Variants in MLLT10 observed in about 807,000 individuals in gnomAD.
MLLT10 encodes the protein MLLT10 histone lysine methyltransferase DOT1L cofactor, also known as protein AF-10.
In MLLT10, 30 loss-of-function variants were observed where a neutral mutation model predicts 129.1. That is an observed-to-expected ratio of 0.23 (90% CI 0.17 to 0.32). The LOEUF (loss-of-function observed/expected upper bound fraction) is 0.32, where lower values mean the gene tolerates loss of function less well. MLLT10 is among the 10% of genes least tolerant of loss of function. MLLT10 has a pLI of 1.00. For synonymous variants in MLLT10, 490 were observed against 446.4 expected (o/e 1.10, Z -1.23); for missense variants, 1,119 against 1,268.3 (o/e 0.88, Z 1.79).
At chr10:21,690,503 C>T (rs1273965600) in intron 13 of MLLT10, among the ~76,000 whole-genome samples, 1 of 151,958 alleles carries the variant, frequency 6.6e-6, no homozygotes, top group African/African-American at 2.4e-5. Context: ...TTTTAGTGTA[C>T]TTCAGAATAG....
intron 4 of MLLT10, among the ~76,000 whole-genome samples, chr10:21,594,433 C>T (rs1371824313): frequency 6.6e-6 from 1 of 151,636 alleles, no homozygotes; most frequent in Non-Finnish European, 1.5e-5. Context: ...CCTGTAATCC[C>T]AGCTACTGGG....
Position 21,579,512 on chromosome 10 carries a change from G to GT in MLLT10, c.241-6771dup, listed in dbSNP as rs368596841. ...TGTCCTGTAGGTCCCTGAAGCCCTG[G>GT]TTTTTTTTTTTGTTTGTTTGTTTTA... On this transcript the variant is annotated intron_variant, in intron 3 of 22. Transcript: ENST00000307729. Among the ~76,000 whole-genome samples, 415 of 139,078 alleles carry GT rather than the reference G, an allele frequency of 3.0e-3. 2 individuals are homozygous for GT. Among genetic ancestry groups the GT allele is most frequent in the African/African-American group, 8.5e-3 (322 of 38,066 alleles). 91.2% of individuals were successfully genotyped at this position (139,078 alleles called of 152,430 possible).
At position 21,717,888 on chromosome 10, in the gene MLLT10, T is replaced by TCTC. The variant is rs1197942786; in HGVS notation, c.1878+3959_1878+3961dup. On this transcript the variant is annotated intron_variant, in intron 14 of 22. Coordinates refer to ENST00000307729, the MANE Select transcript of MLLT10 (RefSeq NM_001195626.3). ...TTCTCCTCCTCCTTCTCCTCCTCCTTCTCCTCCTCCTCCTCCTCCTCCTTC... is the reference window on the plus strand; with the variant it reads ...TTCTCCTCCTCCTTCTCCTCCTCCTTCTCCTCCTCCTCCTCCTCCTCCTCCTTC... Among the ~76,000 whole-genome samples, 114 of 76,008 alleles carry TCTC rather than the reference T, an allele frequency of 1.5e-3. 2 individuals carry two copies. In the East Asian group the frequency reaches 0.027, roughly 18 times the overall value. 49.9% of individuals were successfully genotyped at this position (76,008 alleles called of 152,430 possible).
chr10:21,541,803 C>T (rs548050886), intron 3 of MLLT10, among the ~76,000 whole-genome samples: 87 of 152,196 alleles, frequency 5.7e-4, no homozygotes, highest in African/African-American at 1.8e-3. Flanking sequence ...TGTGAGCATC[C>T]GTGCCCGGCC....
chr10:21,644,344 A>T (rs1408502836), intron 8 of MLLT10, among the ~76,000 whole-genome samples: 1 of 152,020 alleles, frequency 6.6e-6, no homozygotes, highest in Non-Finnish European at 1.5e-5. Context: ...ATTCCATTAT[A>T]ATTTACGTAA....
At chr10:21,562,961 A>G (rs1191095398) in intron 3 of MLLT10, among the ~76,000 whole-genome samples, 1 of 151,698 alleles carries the variant, frequency 6.6e-6, no homozygotes, top group African/African-American at 2.4e-5. Context: ...CTGGGATTAC[A>G]GGCATGTGCC....
At chr10:21,551,314 T>G (rs1159909300) in intron 3 of MLLT10, among the ~76,000 whole-genome samples, 436 of 149,232 alleles carry the variant, frequency 2.9e-3, no homozygotes, top group African/African-American at 0.01. Context: ...TTTTTTTTTT[T>G]TTACATAACA....
intron 3 of MLLT10, among the ~76,000 whole-genome samples, chr10:21,547,332 G>T (rs1212138176): frequency 6.6e-6 from 1 of 151,606 alleles, no homozygotes. Flanking sequence ...TCCTTGGGAC[G>T]CCTTGATTCC....
intron 11 of MLLT10, among the ~76,000 whole-genome samples, chr10:21,674,875 A>T (rs1367358669): frequency 6.6e-6 from 1 of 152,212 alleles, no homozygotes; most frequent in Non-Finnish European, 1.5e-5. Flanking sequence ...TGGAAAAATG[A>T]TACAATTTAA....
At chr10:21,697,099 CAAAAAAAA>C (rs1163740638) in intron 13 of MLLT10, among the ~76,000 whole-genome samples, 1 of 82,666 alleles carries the variant, frequency 1.2e-5, no homozygotes, top group Non-Finnish European at 2.2e-5. Flanking sequence ...CTGATTTAAG[CAAAAAAAA>C]AAAAAAAAAA....
intron 9 of MLLT10, 66 bp from the exon 10 acceptor site, chr10:21,670,383 C>G: frequency 6.9e-7 from 1 of 1,442,568 alleles, no homozygotes; most frequent in Non-Finnish European, 9.3e-7. Flanking sequence ...AATGTGGCAC[C>G]CATTGTTTTC....
In MLLT10 at chr10:21,662,267, C is replaced by T. The variant is rs371768609; in HGVS notation, c.796-8182C>T. ...GCTGGTTTGGCTACTGCCATTTATTCGAGGGGAAGTTTTTGGACGTTATGA... is the reference window on the plus strand; with the variant it reads ...GCTGGTTTGGCTACTGCCATTTATTTGAGGGGAAGTTTTTGGACGTTATGA... On this transcript the variant is annotated intron_variant, in intron 9 of 22. Transcript: ENST00000307729. Among the ~76,000 whole-genome samples the T allele has an allele frequency of 5.2e-4, 79 of 152,176 alleles. 1 individual carries two copies. The South Asian group carries it at 0.016, about 30-fold the overall frequency.
At chr10:21,714,948 A>G (rs2056422551) in intron 14 of MLLT10, among the ~76,000 whole-genome samples, 1 of 152,088 alleles carries the variant, frequency 6.6e-6, no homozygotes, top group Non-Finnish European at 1.5e-5. Flanking sequence ...CCCAAAGATA[A>G]TCATTTAAGA....
intron 14 of MLLT10, among the ~76,000 whole-genome samples, chr10:21,720,074 C>A (rs181599352): frequency 1.3e-5 from 2 of 152,074 alleles, no homozygotes; most frequent in Non-Finnish European, 2.9e-5. Flanking sequence ...AGTTAAGAAA[C>A]CTACTTAGAA....
intron 5 of MLLT10, among the ~76,000 whole-genome samples, chr10:21,601,320 G>T (rs148732582): frequency 2.0e-5 from 3 of 152,054 alleles, no homozygotes; most frequent in African/African-American, 7.2e-5. Context: ...AGACTCAAAG[G>T]CCTATTTATT....
At chr10:21,711,458 C>T (rs961070852) in intron 13 of MLLT10, among the ~76,000 whole-genome samples, 30 of 151,552 alleles carry the variant, frequency 2.0e-4, no homozygotes, top group Non-Finnish European at 4.3e-4. Context: ...CATGGTGGCT[C>T]ATGCGTGTGA....
At position 21,733,844 on chromosome 10, in the gene MLLT10, C is replaced by T; in HGVS notation, c.2573C>T (p.Ala858Val). The part of the protein sequence containing the change: ...STPPPAGQSP[A>V]QQGSGVSGVQ... ...CCACCTCCTGCTGGGCAGAGTCCGG[C>T]TCAACAAGGCTCAGGAGTGAGTGGA... Residue 858 changes from alanine to valine, a missense_variant, in exon 20 of 23, where the codon GCT (alanine) becomes GTT (valine). This residue lies in a region of MLLT10 where 1,004 missense variants were observed against 1,008.7 expected (regional missense o/e 1.00). Transcript: ENST00000307729. The T allele has an allele frequency of 1.2e-6, 2 of 1,614,148 alleles. No individual in the cohort carries two copies. Among genetic ancestry groups the T allele is most frequent in the Non-Finnish European group, 8.5e-7 (1 of 1,180,010 alleles).
intron 14 of MLLT10, among the ~76,000 whole-genome samples, chr10:21,724,117 TGTTA>T (rs907799862): frequency 6.6e-6 from 1 of 152,266 alleles, no homozygotes; most frequent in Non-Finnish European, 1.5e-5. Context: ...GACAGTTGAT[TGTTA>T]AACAGGACTG....
At chr10:21,551,135 C>G (rs1220108288) in intron 3 of MLLT10, among the ~76,000 whole-genome samples, 1 of 151,640 alleles carries the variant, frequency 6.6e-6, no homozygotes, top group Non-Finnish European at 1.5e-5. Context: ...CCACGTTGGT[C>G]AGGTTGGTCT....
Sources: gnomAD v4.1 joint callset for allele counts (sites outside exome capture counted in the v4.1 genomes callset) on GRCh38, gnomAD v4.1.1 for gene constraint, gnomAD v4.1.1 regional missense constraint, MANE v1.5 for transcripts, NCBI Gene and HGNC (gene_info 2026-07-23, HGNC 2026-07-21) for gene names.